Variants in SSH2 observed in about 807,000 individuals in gnomAD.
SSH2 encodes the protein protein phosphatase Slingshot homolog 2.
In SSH2, 37 loss-of-function variants were observed where a neutral mutation model predicts 135.2. The ratio of observed to expected loss-of-function variants is 0.27; its 90% CI spans 0.21 to 0.36. The LOEUF is 0.36. Among genes scored for constraint, SSH2 ranks in the 10% least tolerant of loss-of-function variants. SSH2 has a pLI of 1.00. For synonymous variants in SSH2, 628 were observed against 646.2 expected, an observed-to-expected ratio of 0.97 and a Z score of 0.43; for missense variants, 1,408 against 1,765.3, an observed-to-expected ratio of 0.80 and a Z score of 3.63.
At chr17:29,672,205 C>CAGA (rs1379947104) in intron 8 of SSH2, 76 bp from the exon 9 acceptor site, 1 of 1,104,442 alleles carries the variant, frequency 9.1e-7, no homozygotes, top group Admixed American at 2.5e-5. Flanking sequence ...ACTCCAAACT[C>CAGA]TTCTAATTTT....
At chr17:29,761,843 ATGTGTGTGTGTGTG>A (rs752691137) in intron 3 of SSH2, among the ~76,000 whole-genome samples, 2 of 142,482 alleles carry the variant, frequency 1.4e-5, no homozygotes, top group Admixed American at 6.9e-5. Flanking sequence ...TCACATACAT[ATGTGTGTGTGTGTG>A]TGTGTGTGTG....
chr17:29,924,641 T>C (rs1053456989), intron 1 of SSH2, among the ~76,000 whole-genome samples: 1 of 152,090 alleles, frequency 6.6e-6, no homozygotes, highest in Admixed American at 6.6e-5. Flanking sequence ...TTGTGGGTTT[T>C]TTTTTTCCTT....
intron 2 of SSH2, among the ~76,000 whole-genome samples, chr17:29,844,786 A>G (rs1193287611): frequency 6.6e-6 from 1 of 152,214 alleles, no homozygotes; most frequent in Non-Finnish European, 1.5e-5. Context: ...GTGGGATCAG[A>G]AAAGGGGCAG....
In SSH2 at chr17:29,680,551, C is replaced by CAAAAAAAAAAAAA. The variant is rs1160865828; in HGVS notation, c.480-2823_480-2811dup. Reference sequence around the variant, plus strand: ...TGGGAGACACAGCAAGACTCCCTCTCAAAAAAAAAAAAAAAAAAAAAAAAA... The same window carrying CAAAAAAAAAAAAA: ...TGGGAGACACAGCAAGACTCCCTCTCAAAAAAAAAAAAAAAAAAAAAAAAAAAAAAAAAAAAAA... On this transcript the variant is annotated intron_variant, in intron 6 of 15. Transcript: ENST00000540801. Among the ~76,000 whole-genome samples the CAAAAAAAAAAAAA allele has an allele frequency of 6.0e-4, 13 of 21,540 alleles. 3 individuals are homozygous for CAAAAAAAAAAAAA. Among genetic ancestry groups the CAAAAAAAAAAAAA allele is most frequent in the Non-Finnish European group, 7.0e-4 (9 of 12,852 alleles). The allele number at this position is 21,540 out of a possible 152,430, so 14.1% of individuals were successfully genotyped here.
chr17:29,880,984 G>A (rs1224875997), intron 1 of SSH2, among the ~76,000 whole-genome samples: 2 of 152,020 alleles, frequency 1.3e-5, no homozygotes, highest in African/African-American at 4.8e-5. Flanking sequence ...ATTCATTTAT[G>A]GCTCAATTCT....
chr17:29,699,492 C>T (rs145002479), intron 4 of SSH2, among the ~76,000 whole-genome samples: 231 of 152,278 alleles, frequency 1.5e-3, no homozygotes, highest in African/African-American at 5.4e-3. Context: ...TCATCTGTTC[C>T]GGTCTGGATC....
chr17:29,838,250 C>G (rs933660797), intron 2 of SSH2, among the ~76,000 whole-genome samples: 17 of 152,230 alleles, frequency 1.1e-4, no homozygotes, highest in African/African-American at 4.1e-4. Flanking sequence ...GCACCCTGGT[C>G]CCCTCCACAC....
At chr17:29,834,686 A>G (rs1465193074) in intron 2 of SSH2, among the ~76,000 whole-genome samples, 2 of 152,094 alleles carry the variant, frequency 1.3e-5, no homozygotes, top group East Asian at 1.9e-4. Flanking sequence ...AAATTCTCCT[A>G]CATGATCTTC....
Position 29,629,032 on chromosome 17 carries a change from C to T in SSH2, c.*1809G>A, listed in dbSNP as rs140585793. Reference sequence around the variant, plus strand: ...GATAAGCCAAAAACCTGTCTCCAGTCTATACTCAGTCAATCCTCAGTAACG... The same window carrying T: ...GATAAGCCAAAAACCTGTCTCCAGTTTATACTCAGTCAATCCTCAGTAACG... On this transcript the variant is annotated 3_prime_UTR_variant, in exon 16 of 16. Coordinates refer to ENST00000540801, the MANE Select transcript of SSH2 (RefSeq NM_001282129.2). 1 of 152,436 alleles carries T rather than the reference C, an allele frequency of 6.6e-6. No homozygotes were observed. The highest frequency in any genetic ancestry group is 2.4e-5 in the African/African-American group (1 of 41,588). 9.4% of individuals were successfully genotyped at this position (152,436 alleles called of 1,614,324 possible).
intron 3 of SSH2, among the ~76,000 whole-genome samples, chr17:29,782,535 G>A (rs2041861514): frequency 6.6e-6 from 1 of 152,032 alleles, no homozygotes; most frequent in Non-Finnish European, 1.5e-5. Flanking sequence ...CGAGACCAGA[G>A]TTTTATTACT....
chr17:29,655,199 G>A (rs1224481862), intron 12 of SSH2, among the ~76,000 whole-genome samples: 1 of 151,994 alleles, frequency 6.6e-6, no homozygotes, highest in Non-Finnish European at 1.5e-5. Context: ...CGCCTCCCAG[G>A]TTCACGCCAT....
chr17:29,802,816 C>A (rs2042274616), intron 2 of SSH2, among the ~76,000 whole-genome samples: 2 of 151,880 alleles, frequency 1.3e-5, no homozygotes, highest in South Asian at 4.2e-4. Context: ...TGTTATGAGT[C>A]TGCAATGATG....
chr17:29,641,744 A>G (rs2036169281), intron 14 of SSH2: 1 of 152,222 alleles, frequency 6.6e-6, no homozygotes, highest in Non-Finnish European at 1.5e-5. Context: ...AAGTCGTCCC[A>G]TTATCTTGCC....
intron 6 of SSH2, among the ~76,000 whole-genome samples, chr17:29,683,705 T>C (rs942318572): frequency 6.6e-6 from 1 of 151,472 alleles, no homozygotes; most frequent in African/African-American, 2.4e-5. Flanking sequence ...AGTGGGAGGA[T>C]TGCTTAAGCC....
chr17:29,905,093 C>T (rs1319850745), intron 1 of SSH2, among the ~76,000 whole-genome samples: 1 of 152,084 alleles, frequency 6.6e-6, no homozygotes, highest in Non-Finnish European at 1.5e-5. Context: ...AGATTCAATG[C>T]TACACCCACT....
At chr17:29,674,277 A>T (rs911934863) in intron 8 of SSH2, 1 of 432,326 alleles carries the variant, frequency 2.3e-6, no homozygotes, top group Non-Finnish European at 4.6e-6. Context: ...AGAGTCTTTT[A>T]AAAATGCTTT....
chr17:29,652,694 G>C (rs2036626676), intron 12 of SSH2, among the ~76,000 whole-genome samples: 1 of 152,034 alleles, frequency 6.6e-6, no homozygotes, highest in African/African-American at 2.4e-5. Context: ...GGCTTGCTCT[G>C]TCGCCCAGAT....
At chr17:29,914,854 A>G (rs867655604) in intron 1 of SSH2, among the ~76,000 whole-genome samples, 4 of 152,326 alleles carry the variant, frequency 2.6e-5, no homozygotes, top group South Asian at 2.1e-4. Flanking sequence ...GCCACTTTCA[A>G]TCTAAGGTGT....
At chr17:29,768,448 C>T (rs771317064) in intron 3 of SSH2, among the ~76,000 whole-genome samples, 2 of 152,016 alleles carry the variant, frequency 1.3e-5, no homozygotes, top group Non-Finnish European at 2.9e-5. Flanking sequence ...TGTAACACCA[C>T]ACCTGTCGAG....
Sources: allele counts gnomAD v4.1 joint callset (sites outside exome capture counted in the v4.1 genomes callset), GRCh38; gene constraint gnomAD v4.1.1; transcripts MANE v1.5; gene names NCBI Gene and HGNC (gene_info 2026-07-23, HGNC 2026-07-21).